The following PCDH15 variants were observed in gnomAD, a reference collection of about 807,000 sequenced individuals.
PCDH15 encodes the protein protocadherin related 15, also known as protocadherin-15.
PCDH15 carries 129 observed loss-of-function variants against 178.5 expected under a neutral mutation model. That is an observed-to-expected ratio of 0.72 (90% confidence interval 0.63 to 0.84). PCDH15 has a LOEUF of 0.84. PCDH15 is among the 40% of genes least tolerant of loss of function. The probability of loss-of-function intolerance (pLI) is 0.00; values close to 1 mark genes in which losing one functional copy is unlikely to be tolerated. For missense variants in PCDH15, 2,230 were observed against 2,099.9 expected (o/e 1.06, Z -1.21); for synonymous variants, 800 against 732.0 (o/e 1.09, Z -1.50).
intron 3 of PCDH15, among the ~76,000 whole-genome samples, chr10:54,470,689 T>A (rs527809070): frequency 6.6e-6 from 1 of 152,260 alleles, no homozygotes; most frequent in African/African-American, 2.4e-5. Flanking sequence ...GAGCATTTGC[T>A]TACTCTTTCT....
intron 6 of PCDH15, among the ~76,000 whole-genome samples, chr10:54,332,984 T>C (rs1412869908): frequency 1.3e-5 from 2 of 152,066 alleles, no homozygotes; most frequent in Admixed American, 6.6e-5. Context: ...TGCTCTGTCA[T>C]CCAGGCTTGA....
At chr10:54,454,440 A>T (rs1157008610) in intron 3 of PCDH15, among the ~76,000 whole-genome samples, 2 of 149,008 alleles carry the variant, frequency 1.3e-5, no homozygotes, top group East Asian at 3.9e-4. Context: ...ATTAATATTT[A>T]TTGTTAATTT....
chr10:55,217,594 A>T (rs1198326026), intron 1 of PCDH15, among the ~76,000 whole-genome samples: 1 of 151,908 alleles, frequency 6.6e-6, no homozygotes, highest in Non-Finnish European at 1.5e-5. Context: ...GCTATTATTG[A>T]TCAAGGGACA....
chr10:54,340,252 G>C (rs996904241), intron 6 of PCDH15, among the ~76,000 whole-genome samples: 8 of 151,858 alleles, frequency 5.3e-5, no homozygotes, highest in African/African-American at 1.9e-4. Flanking sequence ...ATCAGCAAGT[G>C]GTCTCTTTTT....
At chr10:54,574,962 A>G (rs1452067647) in intron 2 of PCDH15, among the ~76,000 whole-genome samples, 1 of 148,800 alleles carries the variant, frequency 6.7e-6, no homozygotes, top group East Asian at 2.0e-4. Context: ...ATGGAATACT[A>G]TGCAGCCATA....
chr10:54,758,488 G>T (rs7909088), intron 1 of PCDH15, among the ~76,000 whole-genome samples: 7,538 of 152,192 alleles, frequency 0.05, 624 homozygotes, highest in African/African-American at 0.17. Context: ...TGTTGTAAAT[G>T]TATGATGTGT....
At chr10:55,479,103 A>C (rs1840121563) in intron 2 of PCDH15, among the ~76,000 whole-genome samples, 2 of 151,482 alleles carry the variant, frequency 1.3e-5, no homozygotes, top group Admixed American at 6.6e-5. Flanking sequence ...ACTATTCAAA[A>C]ATATTAGAGT....
intron 1 of PCDH15, among the ~76,000 whole-genome samples, chr10:54,760,674 C>T (rs186596915): frequency 1.3e-5 from 2 of 152,038 alleles, no homozygotes; most frequent in South Asian, 4.1e-4. Flanking sequence ...TTTATCAGGA[C>T]TGTGAACATC....
At chr10:54,633,658 A>C (rs2093763915) in intron 2 of PCDH15, among the ~76,000 whole-genome samples, 1 of 152,084 alleles carries the variant, frequency 6.6e-6, no homozygotes, top group African/African-American at 2.4e-5. Context: ...AAAAAGAAAC[A>C]GTGTAAATAT....
At chr10:55,133,224 A>G (rs752930047) in intron 2 of PCDH15, among the ~76,000 whole-genome samples, 7 of 152,178 alleles carry the variant, frequency 4.6e-5, no homozygotes, top group Non-Finnish European at 7.4e-5. Flanking sequence ...CAAGGTCACT[A>G]TTGGTGTCAA....
intron 13 of PCDH15, among the ~76,000 whole-genome samples, chr10:54,166,330 T>C (rs1002719199): frequency 5.9e-5 from 9 of 152,218 alleles, no homozygotes; most frequent in East Asian, 1.9e-4. Context: ...TTGCAAAATA[T>C]AGTCAACTCC....
intron 21 of PCDH15, among the ~76,000 whole-genome samples, chr10:53,965,191 G>C (rs1419671683): frequency 6.6e-6 from 1 of 151,800 alleles, no homozygotes; most frequent in Non-Finnish European, 1.5e-5. Context: ...TCAGGCAGCT[G>C]GGACTACACG....
intron 2 of PCDH15, among the ~76,000 whole-genome samples, chr10:55,440,763 T>C (rs370187132): frequency 3.1e-4 from 47 of 152,208 alleles, no homozygotes; most frequent in African/African-American, 9.9e-4. Context: ...TACCTGAGAC[T>C]GGGTAATTTA....
In PCDH15 at chr10:54,205,925, A is replaced by G. The variant is rs1464205326; in HGVS notation, c.1098+8011T>C. ...GCAAGGCTATACAGCAAAAGAGTAT[A>G]TTCTTGGTTGGAAACAAATACCTTT... On this transcript the variant is annotated intron_variant, in intron 10 of 37. Transcript: ENST00000644397. 3.9e-5 allele frequency among the ~76,000 whole-genome samples: 6 copies of G among 152,250 alleles called. No individual in the cohort carries two copies. The South Asian group carries it at 1.0e-3, about 26-fold the overall frequency.
intron 3 of PCDH15, among the ~76,000 whole-genome samples, chr10:54,851,373 GACT>G (rs1462208887): frequency 6.6e-6 from 1 of 151,988 alleles, no homozygotes; most frequent in Non-Finnish European, 1.5e-5. Flanking sequence ...AGTAAATTTT[GACT>G]ACTAATTACT....
chr10:55,025,321 T>C (rs1840448968), intron 2 of PCDH15, among the ~76,000 whole-genome samples: 1 of 152,186 alleles, frequency 6.6e-6, no homozygotes. Flanking sequence ...TTTTATGTTC[T>C]TCTTTGTGTT....
rs571779869 is a variant in PCDH15 at position 53,821,346 on chromosome 10, C to G, written c.4368-1116G>C. On this transcript the variant is annotated intron_variant, in intron 32 of 37. Transcript: ENST00000644397. ...AATACCTTATGTCTGTCATCTCCTACAATCTAGGTACATTATATTTTACTT... is the reference window on the plus strand; with the variant it reads ...AATACCTTATGTCTGTCATCTCCTAGAATCTAGGTACATTATATTTTACTT... 9 of 990,232 alleles carry G rather than the reference C, an allele frequency of 9.1e-6. No homozygotes were observed. The South Asian group carries it at 3.2e-4, about 35-fold the overall frequency. The allele number at this position is 990,232 out of a possible 1,614,324, so 61.3% of individuals were successfully genotyped here.
At chr10:54,464,334 T>C (rs1262288012) in intron 3 of PCDH15, among the ~76,000 whole-genome samples, 3 of 152,048 alleles carry the variant, frequency 2.0e-5, no homozygotes, top group Non-Finnish European at 4.4e-5. Context: ...TTTCAAAAAG[T>C]TCGAAACAGA....
At chr10:55,538,397 T>TCTTC (rs149632458) in intron 2 of PCDH15, among the ~76,000 whole-genome samples, 8 of 133,544 alleles carry the variant, frequency 6.0e-5, no homozygotes, top group South Asian at 2.5e-4. Context: ...TTCCTTCCTT[T>TCTTC]CTTCCTTCCT....
Sources: gnomAD v4.1 joint callset for allele counts (sites outside exome capture counted in the v4.1 genomes callset) on GRCh38, gnomAD v4.1.1 for gene constraint, MANE v1.5 for transcripts, NCBI Gene and HGNC (gene_info 2026-07-23, HGNC 2026-07-21) for gene names.